ZNF804B: variants seen among roughly 807,000 people sequenced by gnomAD.
The protein encoded by ZNF804B is zinc finger protein 804B.
ZNF804B carries 80 observed loss-of-function variants against 101.4 expected under a neutral mutation model. The ratio of observed to expected loss-of-function variants is 0.79; its 90% CI spans 0.66 to 0.95. ZNF804B has a LOEUF of 0.95. Among genes scored for constraint, ZNF804B ranks in the 40% least tolerant of loss-of-function variants. The probability of loss-of-function intolerance (pLI) is 0.00; values close to 1 mark genes in which losing one functional copy is unlikely to be tolerated. For missense variants in ZNF804B, 1,673 were observed against 1,561.9 expected, an observed-to-expected ratio of 1.07 and a Z score of -1.20; for synonymous variants, 622 against 558.8, an observed-to-expected ratio of 1.11 and a Z score of -1.59.
chr7:89,163,272 C>A (rs1203836187), intron 1 of ZNF804B, among the ~76,000 whole-genome samples: 1 of 152,096 alleles, frequency 6.6e-6, no homozygotes, highest in Non-Finnish European at 1.5e-5. Flanking sequence ...CCTATGCCAA[C>A]CACCAAAATA....
intron 1 of ZNF804B, among the ~76,000 whole-genome samples, chr7:89,028,307 G>A (rs960020897): frequency 6.6e-6 from 1 of 152,144 alleles, no homozygotes; most frequent in Non-Finnish European, 1.5e-5. Flanking sequence ...CATATGAAAA[G>A]AGTGAGCAAG....
At chr7:89,095,580 A>G (rs1322336121) in intron 1 of ZNF804B, among the ~76,000 whole-genome samples, 1 of 152,176 alleles carries the variant, frequency 6.6e-6, no homozygotes, top group Non-Finnish European at 1.5e-5. Flanking sequence ...AGTGTAAATC[A>G]TCAGTATGTT....
intron 1 of ZNF804B, among the ~76,000 whole-genome samples, chr7:88,841,232 T>A (rs1193356360): frequency 6.6e-6 from 1 of 152,168 alleles, no homozygotes; most frequent in Non-Finnish European, 1.5e-5. Context: ...TTACACTGGA[T>A]CTTAGGGTGA....
At chr7:89,100,085 C>T (rs148153442) in intron 1 of ZNF804B, among the ~76,000 whole-genome samples, 725 of 152,152 alleles carry the variant, frequency 4.8e-3, no homozygotes, top group Non-Finnish European at 7.3e-3. Flanking sequence ...GACAGTTTTT[C>T]CCTTGGGAAA....
rs76329555 is a variant in ZNF804B at position 89,189,704 on chromosome 7, G to A, written c.109-28451G>A. Among the ~76,000 whole-genome samples the A allele has an allele frequency of 2.6e-3, 389 of 152,254 alleles. 3 individuals are homozygous for A. The highest frequency in any genetic ancestry group is 9.1e-3 in the African/African-American group (380 of 41,554). On this transcript the variant is annotated intron_variant, in intron 1 of 3. Transcript: ENST00000333190. ...GCATACAGCAAGCAGCTTCAAGCGG[G>A]GAAGCAGATTGTGACTGCTGCCTCA...
intron 1 of ZNF804B, among the ~76,000 whole-genome samples, chr7:88,926,645 A>AG (rs2116009431): frequency 6.6e-6 from 1 of 152,130 alleles, no homozygotes; most frequent in African/African-American, 2.4e-5. Context: ...ATTAATTAAA[A>AG]GGAACTGTCT....
intron 1 of ZNF804B, among the ~76,000 whole-genome samples, chr7:89,196,215 C>T (rs1272964318): frequency 6.6e-6 from 1 of 151,952 alleles, no homozygotes; most frequent in Non-Finnish European, 1.5e-5. Context: ...ACCCATAGGC[C>T]AATGAAATAG....
At chr7:89,158,338 T>C (rs764972027) in intron 1 of ZNF804B, among the ~76,000 whole-genome samples, 3 of 152,172 alleles carry the variant, frequency 2.0e-5, no homozygotes, top group Non-Finnish European at 4.4e-5. Context: ...TCTTCCCAGC[T>C]AAAATTCTCA....
At chr7:89,143,518 A>G (rs1790746418) in intron 1 of ZNF804B, among the ~76,000 whole-genome samples, 1 of 151,958 alleles carries the variant, frequency 6.6e-6, no homozygotes, top group Admixed American at 6.6e-5. Context: ...CCACTTTGGG[A>G]TTCATCTTCA....
At chr7:89,026,995 A>T (rs1788761811) in intron 1 of ZNF804B, among the ~76,000 whole-genome samples, 1 of 152,182 alleles carries the variant, frequency 6.6e-6, no homozygotes, top group Non-Finnish European at 1.5e-5. Flanking sequence ...AGTTGGCCTT[A>T]GAATAAAATT....
intron 2 of ZNF804B, among the ~76,000 whole-genome samples, chr7:89,229,181 C>T (rs1416040911): frequency 2.0e-5 from 3 of 152,238 alleles, no homozygotes; most frequent in Non-Finnish European, 4.4e-5. Flanking sequence ...TCTCACTGTG[C>T]AGCGGCGGGC....
chr7:89,143,946 G>A (rs1477914916), intron 1 of ZNF804B, among the ~76,000 whole-genome samples: 4 of 151,890 alleles, frequency 2.6e-5, no homozygotes, highest in Admixed American at 2.0e-4. Flanking sequence ...TGGTATAAAA[G>A]TCAAACCAAG....
chr7:88,874,749 A>G (rs1008293469), intron 1 of ZNF804B, among the ~76,000 whole-genome samples: 2 of 152,140 alleles, frequency 1.3e-5, no homozygotes, highest in Non-Finnish European at 1.5e-5. Flanking sequence ...AGACACATCA[A>G]CGAGACAGAA....
chr7:89,089,064 T>C (rs893705764), intron 1 of ZNF804B, among the ~76,000 whole-genome samples: 6 of 150,738 alleles, frequency 4.0e-5, no homozygotes, highest in African/African-American at 1.2e-4. Flanking sequence ...TTTCTTTTTT[T>C]TTTTTTTCCT....
At chr7:89,103,643 G>A (rs575400801) in intron 1 of ZNF804B, among the ~76,000 whole-genome samples, 1 of 151,770 alleles carries the variant, frequency 6.6e-6, no homozygotes, top group Non-Finnish European at 1.5e-5. Flanking sequence ...GAGGTCTTTA[G>A]GGTTTTCTAG....
Position 89,168,682 on chromosome 7 carries a change from C to CA in ZNF804B, c.109-49473_109-49472insA, listed in dbSNP as rs1554373068. Reference sequence around the variant, plus strand: ...GAATCCCTTGTAGTAGAGCTGAATACTTTTTTTTTTTTTTTTTTTTTTTGC... The same window carrying CA: ...GAATCCCTTGTAGTAGAGCTGAATACATTTTTTTTTTTTTTTTTTTTTTTGC... On this transcript the variant is annotated intron_variant, in intron 1 of 3. Coordinates refer to ENST00000333190, the MANE Select transcript of ZNF804B (RefSeq NM_181646.5). Among the ~76,000 whole-genome samples, 3 of 115,742 alleles carry CA rather than the reference C, an allele frequency of 2.6e-5. No individual in the cohort carries two copies. The Admixed American group carries it at 3.0e-4, about 12-fold the overall frequency. 75.9% of individuals were successfully genotyped at this position (115,742 alleles called of 152,430 possible). A position where few individuals can be genotyped will look rare whatever the true frequency, so the allele number is the denominator to read the frequency against.
intron 2 of ZNF804B, among the ~76,000 whole-genome samples, chr7:89,301,106 T>TTG (rs1343894035): frequency 6.7e-6 from 1 of 149,040 alleles, no homozygotes; most frequent in Non-Finnish European, 1.5e-5. Context: ...CGTGTTTTTT[T>TTG]TTTTTTTTTT....
chr7:89,018,334 T>C (rs1316096247), intron 1 of ZNF804B, among the ~76,000 whole-genome samples: 1 of 152,150 alleles, frequency 6.6e-6, no homozygotes, highest in East Asian at 1.9e-4. Flanking sequence ...GCATATCTTG[T>C]ACCATTTTTG....
At chr7:89,083,666 C>A (rs1164887842) in intron 1 of ZNF804B, among the ~76,000 whole-genome samples, 2 of 151,590 alleles carry the variant, frequency 1.3e-5, no homozygotes, top group Non-Finnish European at 3.0e-5. Flanking sequence ...AATATAAAAA[C>A]AAAATTTCAT....
Sources: gnomAD v4.1 joint callset for allele counts (sites outside exome capture counted in the v4.1 genomes callset) on GRCh38, gnomAD v4.1.1 for gene constraint, MANE v1.5 for transcripts, NCBI Gene and HGNC (gene_info 2026-07-23, HGNC 2026-07-21) for gene names.